SLC35F1: variants seen among roughly 807,000 people sequenced by gnomAD.
SLC35F1 encodes chromosome 6 open reading frame 169.
Under a neutral mutation model 48.7 loss-of-function variants are expected in SLC35F1, and 14 were observed. The ratio of observed to expected loss-of-function variants is 0.29; its 90% CI spans 0.19 to 0.45. The LOEUF is 0.45. SLC35F1 is among the 20% of genes least tolerant of loss of function. SLC35F1 has a pLI of 1.00. For synonymous variants in SLC35F1, 190 were observed against 202.2 expected (o/e 0.94, Z 0.51); for missense variants, 404 against 500.0 (o/e 0.81, Z 1.83).
At chr6:118,046,673 G>A (rs1772306520) in intron 1 of SLC35F1, among the ~76,000 whole-genome samples, 1 of 152,138 alleles carries the variant, frequency 6.6e-6, no homozygotes, top group African/African-American at 2.4e-5. Context: ...CTAGGATAGT[G>A]TCTGGGATAT....
At chr6:117,914,510 A>G (rs533361879) in intron 1 of SLC35F1, among the ~76,000 whole-genome samples, 24 of 152,296 alleles carry the variant, frequency 1.6e-4, no homozygotes, top group Middle Eastern at 3.4e-3. Flanking sequence ...CCTCACATTC[A>G]TTGATTCATT....
At chr6:118,140,847 A>G (rs570492786) in intron 1 of SLC35F1, among the ~76,000 whole-genome samples, 2 of 152,026 alleles carry the variant, frequency 1.3e-5, no homozygotes, top group Admixed American at 1.3e-4. Flanking sequence ...AGCAAAATAA[A>G]TAATGTTAAA....
At chr6:118,047,495 TG>T (rs1373848731) in intron 1 of SLC35F1, among the ~76,000 whole-genome samples, 9 of 152,182 alleles carry the variant, frequency 5.9e-5, no homozygotes, top group Non-Finnish European at 1.2e-4. Context: ...TATACTATTG[TG>T]GATAAAACAG....
intron 1 of SLC35F1, among the ~76,000 whole-genome samples, chr6:117,967,127 C>G (rs747106550): frequency 6.6e-6 from 1 of 152,090 alleles, no homozygotes; most frequent in Admixed American, 6.6e-5. Context: ...TACTTTGATA[C>G]TTTGCTATAT....
chr6:118,055,108 C>T (rs1163454663), intron 1 of SLC35F1, among the ~76,000 whole-genome samples: 8 of 152,016 alleles, frequency 5.3e-5, no homozygotes, highest in Non-Finnish European at 8.8e-5. Context: ...TGAATGTATC[C>T]GAGTATTGAA....
intron 1 of SLC35F1, among the ~76,000 whole-genome samples, chr6:118,062,970 C>A (rs1235025120): frequency 6.6e-6 from 1 of 151,876 alleles, no homozygotes; most frequent in Non-Finnish European, 1.5e-5. Context: ...TCTCCTAATA[C>A]TGGAATTTTG....
chr6:118,024,419 G>T (rs1035147389), intron 1 of SLC35F1, among the ~76,000 whole-genome samples: 2 of 152,214 alleles, frequency 1.3e-5, no homozygotes, highest in African/African-American at 4.8e-5. Context: ...GATCTTAGCA[G>T]TGTCCAATTT....
chr6:118,070,904 A>ATG (rs377253498), intron 1 of SLC35F1, among the ~76,000 whole-genome samples: 12 of 780 alleles, frequency 0.015, no homozygotes, highest in Non-Finnish European at 0.052. Flanking sequence ...TATATATACT[A>ATG]TATATATATA....
chr6:118,168,600 G>T (rs1424710404), intron 2 of SLC35F1, among the ~76,000 whole-genome samples: 1 of 152,096 alleles, frequency 6.6e-6, no homozygotes, highest in Non-Finnish European at 1.5e-5. Flanking sequence ...GCAGATAAGG[G>T]ATATGAGTCA....
intron 1 of SLC35F1, among the ~76,000 whole-genome samples, chr6:118,152,220 A>G (rs1318491366): frequency 1.3e-5 from 2 of 152,208 alleles, no homozygotes; most frequent in Non-Finnish European, 2.9e-5. Context: ...AACTTATACA[A>G]GGGAATGCAG....
At chr6:118,264,996 T>C (rs972727294) in intron 3 of SLC35F1, among the ~76,000 whole-genome samples, 1 of 152,254 alleles carries the variant, frequency 6.6e-6, no homozygotes, top group African/African-American at 2.4e-5. Context: ...ACCTTTGGGC[T>C]CAGCCCCCAG....
In SLC35F1 at chr6:118,314,515, G is replaced by T. The variant is rs1776409126; in HGVS notation, c.*263G>T. 1 of 472,578 alleles carries T rather than the reference G, an allele frequency of 2.1e-6. No individual in the cohort carries two copies. The highest frequency in any genetic ancestry group is 3.8e-6 in the Non-Finnish European group (1 of 261,812). 29.3% of individuals were successfully genotyped at this position (472,578 alleles called of 1,614,324 possible). A position where few individuals can be genotyped will look rare whatever the true frequency, so the allele number is the denominator to read the frequency against. On this transcript the variant is annotated 3_prime_UTR_variant, in exon 8 of 8. Coordinates refer to ENST00000360388, the MANE Select transcript of SLC35F1 (RefSeq NM_001029858.4). ...TGCATTCATTACTGTGAAAATTTTT[G>T]AATCAAAAGCAAGTATTATTGTTAT...
intron 1 of SLC35F1, among the ~76,000 whole-genome samples, chr6:118,147,948 C>A (rs1773999822): frequency 1.3e-5 from 2 of 152,146 alleles, no homozygotes; most frequent in African/African-American, 4.8e-5. Context: ...GCCTAATAAT[C>A]TTCTTACATA....
At chr6:118,178,326 A>C (rs140286581) in intron 2 of SLC35F1, among the ~76,000 whole-genome samples, 31 of 152,172 alleles carry the variant, frequency 2.0e-4, no homozygotes, top group African/African-American at 7.2e-4. Context: ...CCGCTTGCCC[A>C]TGTGTGGGAA....
intron 2 of SLC35F1, among the ~76,000 whole-genome samples, chr6:118,223,607 T>C (rs2114566628): frequency 6.6e-6 from 1 of 152,272 alleles, no homozygotes; most frequent in East Asian, 1.9e-4. Context: ...GGAAAATAAA[T>C]GTCAGGTAAT....
chr6:118,232,563 A>G (rs1167859582), intron 2 of SLC35F1, among the ~76,000 whole-genome samples: 2 of 151,530 alleles, frequency 1.3e-5, no homozygotes, highest in East Asian at 3.9e-4. Context: ...AAAAAAAAAA[A>G]AAAAAGGTGT....
At chr6:118,054,004 A>G (rs1772427651) in intron 1 of SLC35F1, among the ~76,000 whole-genome samples, 2 of 152,212 alleles carry the variant, frequency 1.3e-5, no homozygotes, top group African/African-American at 4.8e-5. Flanking sequence ...CTAATTTAAC[A>G]TATGCCAAAT....
chr6:118,238,660 G>A (rs1775398381), intron 3 of SLC35F1, among the ~76,000 whole-genome samples: 1 of 151,980 alleles, frequency 6.6e-6, no homozygotes, highest in African/African-American at 2.4e-5. Flanking sequence ...AGCACAAATT[G>A]GGAGTACATG....
At chr6:118,043,100 A>T (rs7741789) in intron 1 of SLC35F1, among the ~76,000 whole-genome samples, 75,070 of 151,994 alleles carry the variant, frequency 0.49, 19,648 homozygotes, top group Middle Eastern at 0.62. Context: ...CACTGGGTAG[A>T]CTGTTCGCCA....
Sources: allele counts gnomAD v4.1 joint callset (sites outside exome capture counted in the v4.1 genomes callset), GRCh38; gene constraint gnomAD v4.1.1; transcripts MANE v1.5; gene names NCBI Gene and HGNC (gene_info 2026-07-23, HGNC 2026-07-21).